The following RAB3GAP1 variants were observed in gnomAD, a reference collection of about 807,000 sequenced individuals.
RAB3GAP1 encodes RAB3 GTPase activating protein catalytic subunit 1.
Under a neutral mutation model 130.7 loss-of-function variants are expected in RAB3GAP1, and 86 were observed. That is an observed-to-expected ratio of 0.66 (90% CI 0.55 to 0.79). The LOEUF is 0.79. Ranked by LOEUF, RAB3GAP1 falls within the 30% of genes least tolerant of loss-of-function variation. The probability of loss-of-function intolerance (pLI) is 0.00; values close to 1 mark genes in which losing one functional copy is unlikely to be tolerated. For synonymous variants in RAB3GAP1, 367 were observed against 401.7 expected (o/e 0.91, Z 1.03); for missense variants, 1,029 against 1,169.4 (o/e 0.88, Z 1.75).
chr2:135,117,762 TCTG>T (rs1458048939), intron 7 of RAB3GAP1, among the ~76,000 whole-genome samples: 40 of 143,898 alleles, frequency 2.8e-4, no homozygotes, highest in Admixed American at 9.6e-4. Flanking sequence ...TTCTGCTTCT[TCTG>T]CTGCTTCTTC....
chr2:135,140,680 G>GA (rs1691813263), intron 17 of RAB3GAP1, among the ~76,000 whole-genome samples: 3 of 152,330 alleles, frequency 2.0e-5, no homozygotes, highest in South Asian at 2.1e-4. Context: ...ACAGCAGTGG[G>GA]AGTTATCAGT....
downstream of RAB3GAP1, among the ~76,000 whole-genome samples, chr2:135,172,654 T>C (rs1692888233): frequency 6.6e-6 from 1 of 152,142 alleles, no homozygotes; most frequent in African/African-American, 2.4e-5. Flanking sequence ...AAGGATGACT[T>C]GAAGGTTTGG....
intron 5 of RAB3GAP1, among the ~76,000 whole-genome samples, chr2:135,105,388 C>T (rs1165667389): frequency 1.3e-5 from 2 of 151,942 alleles, no homozygotes; most frequent in Non-Finnish European, 2.9e-5. Context: ...CGTGCCACCA[C>T]GCCTGACTGG....
At chr2:135,099,182 C>T (rs1253635347) in intron 5 of RAB3GAP1, among the ~76,000 whole-genome samples, 1 of 151,948 alleles carries the variant, frequency 6.6e-6, no homozygotes, top group African/African-American at 2.4e-5. Flanking sequence ...TTCGTAGATG[C>T]TCTTTATCAG....
At chr2:135,070,501 T>A (rs1314285822) in intron 3 of RAB3GAP1, among the ~76,000 whole-genome samples, 1 of 152,152 alleles carries the variant, frequency 6.6e-6, no homozygotes, top group Non-Finnish European at 1.5e-5. Context: ...CTCAAATTCC[T>A]GGCCTATAAA....
rs7595725 is a variant in RAB3GAP1, at chr2:135,150,437, G to A, written c.1992G>A (p.Ser664=). 5.5e-3 allele frequency: 8,813 copies of A among 1,614,136 alleles called. 352 individuals carry two copies. In the African/African-American group the frequency reaches 0.096, roughly 18 times the overall value. ...QSEVLAKLGT[S]AEGAHLRARM... ...AAGTTTTAGCTAAATTAGGTACATC[G>A]GCAGAGGGGGCTCACCTTCGAGCAC... Residue 664 remains serine (S), a synonymous_variant, in exon 18 of 24, where the codon TCG becomes TCA. Coordinates refer to ENST00000264158, the MANE Select transcript of RAB3GAP1 (RefSeq NM_012233.3).
At chr2:135,083,080 G>GT (rs71400522) in intron 3 of RAB3GAP1, among the ~76,000 whole-genome samples, 160 of 145,520 alleles carry the variant, frequency 1.1e-3, no homozygotes, top group Non-Finnish European at 1.1e-3. Context: ...TTGTATTGAT[G>GT]TTTTTTTTTT....
chr2:135,091,145 TA>T lies in RAB3GAP1; in HGVS notation c.283+16del, dbSNP rs1690131524. On this transcript the variant is annotated intron_variant, in intron 4 of 23. Transcript: ENST00000264158. ...GTTATTAGAGGGTAAGTTATTTCTA[TA>T]TAATAATATTAACTTCTGATTTGTA... 1.3e-6 allele frequency: 2 copies of T among 1,550,200 alleles called. No homozygotes were observed. Among genetic ancestry groups the T allele is most frequent in the East Asian group, 4.5e-5 (2 of 44,280 alleles).
chr2:135,127,271 T>G (rs1009306665), intron 11 of RAB3GAP1, among the ~76,000 whole-genome samples: 1 of 151,982 alleles, frequency 6.6e-6, no homozygotes, highest in African/African-American at 2.4e-5. Flanking sequence ...ATTTCTGTTA[T>G]TGAAGCCCTT....
At chr2:135,102,687 CTG>C (rs1295429561) in intron 5 of RAB3GAP1, among the ~76,000 whole-genome samples, 1 of 152,126 alleles carries the variant, frequency 6.6e-6, no homozygotes, top group East Asian at 1.9e-4. Flanking sequence ...CTTGTGAAAA[CTG>C]TGTAGTTGAA....
chr2:135,107,472 A>C (rs1690661356), intron 5 of RAB3GAP1, among the ~76,000 whole-genome samples: 1 of 152,212 alleles, frequency 6.6e-6, no homozygotes, highest in South Asian at 2.1e-4. Context: ...AGATTTTACT[A>C]GAATAACCTG....
Position 135,127,140 on chromosome 2 carries a change from G to T in RAB3GAP1, c.973+484G>T, listed in dbSNP as rs569551590. On this transcript the variant is annotated intron_variant, in intron 11 of 23. Transcript: ENST00000264158. The stretch of plus-strand genomic sequence containing the variant: ...TCCGCCCGCCTCGGCCTCCCAAAGT[G>T]CTGAGATTACAGGCATGAGCCACCG... Among the ~76,000 whole-genome samples the T allele has an allele frequency of 2.7e-5, 4 of 150,456 alleles. No homozygotes were observed. The East Asian group carries it at 7.9e-4, about 30-fold the overall frequency.
At chr2:135,128,939 C>T (rs1691435540) in intron 11 of RAB3GAP1, among the ~76,000 whole-genome samples, 1 of 152,058 alleles carries the variant, frequency 6.6e-6, no homozygotes, top group Non-Finnish European at 1.5e-5. Flanking sequence ...TTGCTTGAGC[C>T]CGGGAGTTTG....
At chr2:135,136,074 C>T (rs999639608) in intron 17 of RAB3GAP1, 142 bp downstream of exon 17, 1 of 1,152,644 alleles carries the variant, frequency 8.7e-7, no homozygotes, top group South Asian at 1.3e-5. Context: ...GCCTGTAATC[C>T]CAGCACTTTG....
chr2:135,145,958 GAAAT>G (rs1001182500), intron 17 of RAB3GAP1, among the ~76,000 whole-genome samples: 8 of 152,166 alleles, frequency 5.3e-5, no homozygotes, highest in Admixed American at 6.5e-5. Context: ...CAGGTATAGT[GAAAT>G]AAATAATAAT....
At chr2:135,108,515 C>CT (rs199985816) in intron 5 of RAB3GAP1, among the ~76,000 whole-genome samples, 4,704 of 128,646 alleles carry the variant, frequency 0.037, 232 homozygotes, top group East Asian at 0.2. Context: ...GTCTTTGGGG[C>CT]TTTTTTTTTT....
chr2:135,158,072 G>C (rs1692364921), intron 19 of RAB3GAP1, among the ~76,000 whole-genome samples: 1 of 152,034 alleles, frequency 6.6e-6, no homozygotes, highest in African/African-American at 2.4e-5. Context: ...GGAATTGGAG[G>C]TATTGGTGTG....
chr2:135,161,565 C>G (rs1377667393), intron 19 of RAB3GAP1, among the ~76,000 whole-genome samples: 2 of 152,088 alleles, frequency 1.3e-5, no homozygotes, highest in African/African-American at 2.4e-5. Flanking sequence ...CACAGGAGGA[C>G]TTGGAAAAGC....
intron 3 of RAB3GAP1, among the ~76,000 whole-genome samples, chr2:135,090,603 G>A (rs911985905): frequency 1.3e-5 from 2 of 152,176 alleles, no homozygotes; most frequent in Non-Finnish European, 2.9e-5. Flanking sequence ...GCAGGAATCT[G>A]TTAAATAAGT....
Sources: gnomAD v4.1 joint callset for allele counts (sites outside exome capture counted in the v4.1 genomes callset) on GRCh38, gnomAD v4.1.1 for gene constraint, MANE v1.5 for transcripts, NCBI Gene and HGNC (gene_info 2026-07-23, HGNC 2026-07-21) for gene names.